Variants in HNF4G observed in about 807,000 individuals in gnomAD.
HNF4G encodes hepatocyte nuclear factor 4-gamma.
HNF4G carries 21 observed loss-of-function variants against 50.9 expected under a neutral mutation model. The ratio of observed to expected loss-of-function variants is 0.41; its 90% CI spans 0.29 to 0.59. The LOEUF is 0.59. Ranked by LOEUF, HNF4G falls within the 20% of genes least tolerant of loss-of-function variation. The pLI is 0.26. For synonymous variants in HNF4G, 198 were observed against 185.6 expected, an observed-to-expected ratio of 1.07 and a Z score of -0.54; for missense variants, 527 against 559.4, an observed-to-expected ratio of 0.94 and a Z score of 0.58.
chr8:75,453,989 C>T (rs147033779), intron 1 of HNF4G, among the ~76,000 whole-genome samples: 3 of 151,752 alleles, frequency 2.0e-5, no homozygotes, highest in African/African-American at 4.8e-5. Flanking sequence ...GTGGGGCTCT[C>T]ATCATGAGAT....
chr8:75,558,726 C>A (rs1807207954), intron 7 of HNF4G, 56 bp downstream of exon 7: 1 of 1,579,528 alleles, frequency 6.3e-7, no homozygotes, highest in Non-Finnish European at 8.7e-7. Flanking sequence ...AACTACTTTT[C>A]AATATTAGAA....
chr8:75,524,115 G>A (rs562988074), intron 2 of HNF4G, among the ~76,000 whole-genome samples: 24 of 152,126 alleles, frequency 1.6e-4, no homozygotes, highest in African/African-American at 5.5e-4. Context: ...CACAGATTAG[G>A]ATTTAAGCAC....
chr8:75,507,453 A>G (rs1585905629), intron 2 of HNF4G, among the ~76,000 whole-genome samples: 1 of 151,774 alleles, frequency 6.6e-6, no homozygotes, highest in South Asian at 2.1e-4. Context: ...TAGAGATGGG[A>G]TTTCACCATC....
rs1811508396 is a variant in HNF4G at position 75,449,047 on chromosome 8, A to G, written c.-144+40885A>G. On this transcript the variant is annotated intron_variant, in intron 1 of 10. Coordinates refer to the HNF4G transcript ENST00000354370. ...CAGTTAGAATGAAGATCATGTTGCTATAATTAAAGGGCCCCAAAAAGTTGT... is the reference window on the plus strand; with the variant it reads ...CAGTTAGAATGAAGATCATGTTGCTGTAATTAAAGGGCCCCAAAAAGTTGT... Among the ~76,000 whole-genome samples the G allele has an allele frequency of 2.0e-5, 3 of 152,160 alleles. No homozygotes were observed. The South Asian group carries it at 6.2e-4, about 32-fold the overall frequency.
chr8:75,485,467 A>T (rs1386553655), intron 1 of HNF4G, among the ~76,000 whole-genome samples: 3 of 152,186 alleles, frequency 2.0e-5, no homozygotes, highest in African/African-American at 7.2e-5. Flanking sequence ...CTATGTAAAA[A>T]ACTGCAGAAT....
chr8:75,498,886 A>C, intron 2 of HNF4G, among the ~76,000 whole-genome samples: 1 of 152,126 alleles, frequency 6.6e-6, no homozygotes, highest in Non-Finnish European at 1.5e-5. Context: ...AATACAAGTG[A>C]ACTTTAGCAA....
intron 2 of HNF4G, 85 bp downstream of exon 2, chr8:75,544,064 T>C: frequency 8.3e-7 from 1 of 1,205,766 alleles, no homozygotes; most frequent in Non-Finnish European, 1.2e-6. Context: ...AATTCAGAGT[T>C]TTCGTATATC....
At chr8:75,493,424 G>A (rs1302937055) in intron 2 of HNF4G, among the ~76,000 whole-genome samples, 2 of 152,100 alleles carry the variant, frequency 1.3e-5, no homozygotes, top group Non-Finnish European at 2.9e-5. Context: ...CAGCAAAATA[G>A]CTTTGCCAAA....
chr8:75,480,724 T>C (rs3779739), intron 1 of HNF4G, among the ~76,000 whole-genome samples: 25,617 of 144,178 alleles, frequency 0.18, 2,892 homozygotes, highest in African/African-American at 0.31. Flanking sequence ...TTTCTTTCTT[T>C]TTTTTTTTTT....
intron 1 of HNF4G, among the ~76,000 whole-genome samples, chr8:75,431,561 T>C (rs1811016234): frequency 6.6e-6 from 1 of 152,110 alleles, no homozygotes; most frequent in South Asian, 2.1e-4. Context: ...AAGGAGATTA[T>C]CAGACAGAAA....
intron 1 of HNF4G, among the ~76,000 whole-genome samples, chr8:75,419,402 A>G (rs770371737): frequency 6.6e-6 from 1 of 152,212 alleles, no homozygotes; most frequent in Non-Finnish European, 1.5e-5. Context: ...AGAGGCTACT[A>G]AACTGGGTAC....
chr8:75,542,813 T>C (rs960931956), intron 1 of HNF4G, among the ~76,000 whole-genome samples: 1 of 152,170 alleles, frequency 6.6e-6, no homozygotes, highest in African/African-American at 2.4e-5. Context: ...AGAACTTAGA[T>C]AGCAGGCTGT....
At chr8:75,511,306 T>C (rs1805745031) in intron 2 of HNF4G, among the ~76,000 whole-genome samples, 1 of 152,208 alleles carries the variant, frequency 6.6e-6, no homozygotes, top group South Asian at 2.1e-4. Context: ...GAGCTCTTTA[T>C]TCTGTTCTAC....
At chr8:75,501,224 G>C (rs1812917782) in intron 2 of HNF4G, among the ~76,000 whole-genome samples, 1 of 152,124 alleles carries the variant, frequency 6.6e-6, no homozygotes, top group Admixed American at 6.5e-5. Flanking sequence ...GGGATCACTT[G>C]AGTCCAGGGG....
intron 2 of HNF4G, among the ~76,000 whole-genome samples, chr8:75,526,108 T>TAA (rs1806172101): frequency 1.3e-5 from 1 of 78,212 alleles, no homozygotes; most frequent in African/African-American, 5.1e-5. Flanking sequence ...TTGCTCAAAT[T>TAA]TATTTATTTA....
chr8:75,458,134 G>A (rs1050922875), intron 1 of HNF4G, among the ~76,000 whole-genome samples: 2 of 152,068 alleles, frequency 1.3e-5, no homozygotes, highest in African/African-American at 2.4e-5. Context: ...CTGCTCACTG[G>A]TAGGTGGTTA....
In HNF4G at chr8:75,547,665, G is replaced by C; in HGVS notation, c.366G>C (p.Ala122=). The change falls in exon 3 of 10, where the codon GCG becomes GCC. Residue 122 remains alanine, a synonymous_variant. Transcript: ENST00000396423. ...GTCGATTAAGAAAGTGTTTTAGAGC[G>C]GGAATGAAAAAAGAAGGTAATAATA... ...RYCRLRKCFR[A]GMKKEAVQNE... is the part of the protein sequence containing the mutation. The C allele has an allele frequency of 6.3e-7, 1 of 1,595,814 alleles. No individual in the cohort carries two copies. Among genetic ancestry groups the C allele is most frequent in the Non-Finnish European group, 8.6e-7 (1 of 1,163,910 alleles).
intron 1 of HNF4G, among the ~76,000 whole-genome samples, chr8:75,430,266 C>T (rs886914590): frequency 3.9e-5 from 6 of 152,088 alleles, no homozygotes; most frequent in African/African-American, 1.4e-4. Flanking sequence ...ATGAATGTCA[C>T]TGAAACAGAC....
At chr8:75,532,205 T>C (rs1806345904) in intron 2 of HNF4G, among the ~76,000 whole-genome samples, 2 of 152,116 alleles carry the variant, frequency 1.3e-5, no homozygotes, top group Non-Finnish European at 2.9e-5. Context: ...TTTATAATAC[T>C]AGTTTTTACA....
Sources: gnomAD v4.1 joint callset for allele counts (sites outside exome capture counted in the v4.1 genomes callset) on GRCh38, gnomAD v4.1.1 for gene constraint, MANE v1.5 for transcripts, NCBI Gene and HGNC (gene_info 2026-07-23, HGNC 2026-07-21) for gene names.